ALMS1: variants seen among roughly 807,000 people sequenced by gnomAD.
The protein encoded by ALMS1 is ALMS1 centrosome and basal body associated protein.
In ALMS1, 271 loss-of-function variants were observed where a neutral mutation model predicts 352.2. The ratio of observed to expected loss-of-function variants is 0.77; its 90% CI spans 0.70 to 0.85. The LOEUF (loss-of-function observed/expected upper bound fraction) is 0.85. ALMS1 is among the 40% of genes least tolerant of loss of function. The pLI, the probability that ALMS1 is intolerant of heterozygous loss-of-function variation, is 0.00. For missense variants in ALMS1, 5,445 were observed against 4,870.7 expected, an observed-to-expected ratio of 1.12 and a Z score of -3.51; for synonymous variants, 1,865 against 1,761.2, an observed-to-expected ratio of 1.06 and a Z score of -1.48.
At chr2:73,538,307 T>C (rs1463245236) in intron 12 of ALMS1, among the ~76,000 whole-genome samples, 1 of 152,104 alleles carries the variant, frequency 6.6e-6, no homozygotes, top group Admixed American at 6.6e-5. Context: ...GAAAATCTTC[T>C]CTATATCATT....
intron 13 of ALMS1, among the ~76,000 whole-genome samples, chr2:73,551,747 A>G (rs776658328): frequency 5.3e-5 from 8 of 151,842 alleles, no homozygotes; most frequent in Non-Finnish European, 1.2e-4. Flanking sequence ...CCACTGTTTT[A>G]TAAAAGCTTT....
At chr2:73,409,473 A>G (rs778442238) in intron 2 of ALMS1, among the ~76,000 whole-genome samples, 13 of 152,146 alleles carry the variant, frequency 8.5e-5, no homozygotes, top group East Asian at 1.9e-4. Flanking sequence ...TGGATTATCT[A>G]TATAGATATT....
intron 10 of ALMS1, among the ~76,000 whole-genome samples, chr2:73,496,064 A>G (rs1279492851): frequency 6.6e-6 from 1 of 152,194 alleles, no homozygotes; most frequent in Admixed American, 6.5e-5. Flanking sequence ...ATTCATTTAT[A>G]ATATAGATTC....
chr2:73,448,979 C>T lies in ALMS1; in HGVS notation c.2452C>T (p.Leu818Phe). Residue 818 changes from leucine to phenylalanine, a missense_variant, in exon 8 of 23, where the codon CTT (leucine) becomes TTT (phenylalanine). Transcript: ENST00000613296. ...SSAYSHREKL[L>F]VFYQQALLDS... ...TGCATACTCACACAGAGAGAAGCTC[C>T]TTGTTTTCTACCAACAGGCCTTGCT... 1.9e-6 allele frequency: 3 copies of T among 1,613,332 alleles called. No individual in the cohort carries two copies. In the East Asian group the frequency reaches 6.7e-5, roughly 36 times the overall value.
intron 10 of ALMS1, among the ~76,000 whole-genome samples, chr2:73,514,517 A>T (rs904457416): frequency 1.2e-4 from 18 of 152,146 alleles, no homozygotes; most frequent in African/African-American, 4.1e-4. Context: ...ACAGGACATT[A>T]TTATTGTTGC....
At chr2:73,518,380 A>AT (rs1673603034) in intron 10 of ALMS1, among the ~76,000 whole-genome samples, 1 of 152,090 alleles carries the variant, frequency 6.6e-6, no homozygotes, top group African/African-American at 2.4e-5. Flanking sequence ...TGGGGCATTT[A>AT]GGTTGATTCA....
Position 73,393,078 on chromosome 2 carries a change from G to T in ALMS1, c.324+6886G>T, listed in dbSNP as rs146743344. Among the ~76,000 whole-genome samples the T allele has an allele frequency of 3.2e-4, 49 of 152,172 alleles. No individual in the cohort carries two copies. In the East Asian group the frequency reaches 8.3e-3, roughly 26 times the overall value. On this transcript the variant is annotated intron_variant, in intron 1 of 22. Coordinates refer to ENST00000613296, the MANE Select transcript of ALMS1 (RefSeq NM_001378454.1). ...TCATGTGCTTCTTGGCCATTTGTGTGTCTTCTTTGGAGAAATATCTATTCA... is the reference window on the plus strand; with the variant it reads ...TCATGTGCTTCTTGGCCATTTGTGTTTCTTCTTTGGAGAAATATCTATTCA...
At chr2:73,481,110 G>C (rs1223079606) in intron 9 of ALMS1, among the ~76,000 whole-genome samples, 1 of 152,060 alleles carries the variant, frequency 6.6e-6, no homozygotes, top group Non-Finnish European at 1.5e-5. Flanking sequence ...TTTGTCTTTT[G>C]TTGCCATTGC....
At chr2:73,551,933 G>C (rs1040399240) in intron 13 of ALMS1, among the ~76,000 whole-genome samples, 2 of 152,108 alleles carry the variant, frequency 1.3e-5, no homozygotes, top group Non-Finnish European at 2.9e-5. Context: ...CTGATCCCAG[G>C]GCAGTTTTTA....
chr2:73,540,788 T>TAATG lies in ALMS1; in HGVS notation c.9907+5840_9907+5843dup, dbSNP rs1470407545. 3.3e-5 allele frequency among the ~76,000 whole-genome samples: 5 copies of TAATG among 152,338 alleles called. No individual in the cohort carries two copies. The South Asian group carries it at 1.0e-3, about 32-fold the overall frequency. On this transcript the variant is annotated intron_variant, in intron 12 of 22. Transcript: ENST00000613296. ...AAAAGAGGCAGAGAAGGCCATTACATAATGGTAAAGGGATCAATTCAACAA... is the reference window on the plus strand; with the variant it reads ...AAAAGAGGCAGAGAAGGCCATTACATAATGAATGGTAAAGGGATCAATTCAACAA...
intron 12 of ALMS1, among the ~76,000 whole-genome samples, chr2:73,548,016 G>C (rs570876425): frequency 1.6e-4 from 25 of 152,292 alleles, no homozygotes; most frequent in African/African-American, 5.8e-4. Flanking sequence ...TAGGTGAATA[G>C]AGGTGCCATT....
chr2:73,561,988 A>G (rs1259927809), intron 15 of ALMS1, among the ~76,000 whole-genome samples: 1 of 152,150 alleles, frequency 6.6e-6, no homozygotes, highest in Admixed American at 6.5e-5. Flanking sequence ...GAAATGAAAA[A>G]AAAGTACCAA....
intron 9 of ALMS1, chr2:73,459,374 TAGGG>T (rs1672139839): frequency 1.3e-5 from 2 of 152,322 alleles, no homozygotes; most frequent in African/African-American, 2.4e-5. Context: ...TAATAAATAT[TAGGG>T]AGAGATTCTT....
At chr2:73,400,293 C>A (rs1174151794) in intron 1 of ALMS1, among the ~76,000 whole-genome samples, 2 of 152,130 alleles carry the variant, frequency 1.3e-5, no homozygotes, top group African/African-American at 4.8e-5. Flanking sequence ...GTGGGATAAA[C>A]CCACTTGTCA....
chr2:73,565,605 G>C (rs1408889461), intron 15 of ALMS1, among the ~76,000 whole-genome samples: 1 of 152,116 alleles, frequency 6.6e-6, no homozygotes, highest in Non-Finnish European at 1.5e-5. Context: ...TTTATAGGAA[G>C]GGGGAAAAAG....
At chr2:73,596,490 A>G (rs866692411) in intron 16 of ALMS1, among the ~76,000 whole-genome samples, 5 of 124,326 alleles carry the variant, frequency 4.0e-5, no homozygotes, top group Admixed American at 2.6e-4. Context: ...TTTTTTTCTT[A>G]AGACGGAGTC....
At chr2:73,464,488 C>G (rs1200186333) in intron 9 of ALMS1, among the ~76,000 whole-genome samples, 2 of 152,210 alleles carry the variant, frequency 1.3e-5, no homozygotes, top group Non-Finnish European at 2.9e-5. Flanking sequence ...CAGCCAATAT[C>G]ATACCGAATG....
intron 18 of ALMS1, 28 bp downstream of exon 18, chr2:73,600,909 T>A: frequency 1.2e-6 from 2 of 1,601,156 alleles, no homozygotes. Flanking sequence ...GATCTTGTAG[T>A]AGAGAAACTA....
At chr2:73,424,239 T>G (rs1671335776) in intron 4 of ALMS1, among the ~76,000 whole-genome samples, 191 bp from the exon 5 acceptor site, 1 of 152,202 alleles carries the variant, frequency 6.6e-6, no homozygotes. Flanking sequence ...AGTTCACCTT[T>G]TAGTTAAAAA....
Sources: allele counts gnomAD v4.1 joint callset (sites outside exome capture counted in the v4.1 genomes callset), GRCh38; gene constraint gnomAD v4.1.1; transcripts MANE v1.5; gene names NCBI Gene and HGNC (gene_info 2026-07-23, HGNC 2026-07-21).